Variants in CLHC1 observed in about 807,000 individuals in gnomAD.
The protein encoded by CLHC1 is clathrin heavy chain linker domain-containing protein 1.
CLHC1 carries 72 observed loss-of-function variants against 69.5 expected under a neutral mutation model. That is an observed-to-expected ratio of 1.04 (90% CI 0.86 to 1.26). The LOEUF is 1.26. Ranked by LOEUF, CLHC1 falls within the 50% of genes most tolerant of loss-of-function variation. The probability of loss-of-function intolerance (pLI) is 0.00; values close to 1 mark genes in which losing one functional copy is unlikely to be tolerated. For synonymous variants in CLHC1, 223 were observed against 224.3 expected (o/e 0.99, Z 0.05); for missense variants, 790 against 679.3 (o/e 1.16, Z -1.81).
chr2:55,180,417 A>G, intron 11 of CLHC1, 93 bp downstream of exon 11: 3 of 849,930 alleles, frequency 3.5e-6, no homozygotes, highest in Non-Finnish European at 5.6e-6. Context: ...TGATTTTATA[A>G]CGTAAGTTTA....
At chr2:55,218,175 C>T (rs1437393) in intron 3 of CLHC1, 177 bp from the exon 4 acceptor site, 124,165 of 417,574 alleles carry the variant, frequency 0.3, 19,105 homozygotes, top group African/African-American at 0.38. Flanking sequence ...ATTTACTAAA[C>T]ATGTGCTCTT....
intron 10 of CLHC1, among the ~76,000 whole-genome samples, chr2:55,181,121 C>T (rs1343642844): frequency 6.6e-6 from 1 of 152,156 alleles, no homozygotes; most frequent in African/African-American, 2.4e-5. Flanking sequence ...GCAGGGACTA[C>T]AGCCGTGCGC....
At chr2:55,183,070 C>T (rs1251114775) in intron 9 of CLHC1, among the ~76,000 whole-genome samples, 1 of 152,122 alleles carries the variant, frequency 6.6e-6, no homozygotes, top group East Asian at 1.9e-4. Context: ...CCTTTCCTGT[C>T]CCTTATATAA....
At position 55,173,286 on chromosome 2, in the gene CLHC1, A is replaced by C. The variant is rs1480310953; in HGVS notation, c.*2504T>G. Among the ~76,000 whole-genome samples the C allele has an allele frequency of 6.6e-6, 1 of 152,252 alleles. No individual in the cohort carries two copies. Among genetic ancestry groups the C allele is most frequent in the African/African-American group, 2.4e-5 (1 of 41,462 alleles). On this transcript the variant is annotated 3_prime_UTR_variant, in exon 13 of 13. Transcript: ENST00000401408. The stretch of plus-strand genomic sequence containing the variant: ...AATTTGAATATGGACTGGCTATTAG[A>C]TAATGCTAAGGAATTATTATTAGTA...
At chr2:55,182,270 C>A (rs1246525145) in intron 9 of CLHC1, among the ~76,000 whole-genome samples, 1 of 152,088 alleles carries the variant, frequency 6.6e-6, no homozygotes, top group East Asian at 1.9e-4. Flanking sequence ...TAAAACTGGA[C>A]ATTTAAAGGA....
At chr2:55,224,620 C>A (rs915202503) in intron 2 of CLHC1, 6 of 253,780 alleles carry the variant, frequency 2.4e-5, no homozygotes, top group East Asian at 1.2e-4. Context: ...CGGGAGGAAC[C>A]CCCGCAGTGC....
At position 55,175,959 on chromosome 2, in the gene CLHC1, T is replaced by A; in HGVS notation, c.1592A>T (p.Asp531Val). 6.2e-7 allele frequency: 1 copy of A among 1,613,906 alleles called. No homozygotes were observed. Among genetic ancestry groups the A allele is most frequent in the Non-Finnish European group, 8.5e-7 (1 of 1,179,832 alleles). The change falls in exon 13 of 13, where the codon GAT becomes GTT. Residue 531 changes from aspartate (D) to valine (V), a missense_variant. Transcript: ENST00000401408. The stretch of plus-strand genomic sequence containing the variant: ...CCACTTTTCTATGGAGCAAAAGGAA[T>A]CATTTATCATAAGACTTTCTACTGC... ...IDAVESLMIN[D>V]SFCSIEKWQE...
intron 3 of CLHC1, among the ~76,000 whole-genome samples, chr2:55,220,389 T>C (rs1489124513): frequency 6.6e-6 from 1 of 152,180 alleles, no homozygotes; most frequent in Non-Finnish European, 1.5e-5. Flanking sequence ...AATTATGTTA[T>C]CAAGAAGCTA....
At chr2:55,217,060 T>C (rs1468733080) in intron 4 of CLHC1, among the ~76,000 whole-genome samples, 7 of 151,986 alleles carry the variant, frequency 4.6e-5, no homozygotes, top group Non-Finnish European at 1.0e-4. Flanking sequence ...CCAGGCGTGG[T>C]AGCTTGTGCC....
chr2:55,226,074 C>G (rs528313123), intron 2 of CLHC1, among the ~76,000 whole-genome samples: 2 of 151,910 alleles, frequency 1.3e-5, no homozygotes. Flanking sequence ...CGCCTGTAGT[C>G]CCAGCTACTC....
chr2:55,232,513 G>T, upstream of CLHC1: 1 of 480,374 alleles, frequency 2.1e-6, no homozygotes, highest in South Asian at 2.1e-5. Context: ...CATTCCGAAG[G>T]CTAAAGTGAG....
intron 2 of CLHC1, chr2:55,224,815 C>T (rs1674533642): frequency 3.3e-6 from 1 of 302,238 alleles, no homozygotes; most frequent in East Asian, 9.0e-5. Flanking sequence ...GTCAAAGAGG[C>T]CCCCCAGCCA....
Position 55,209,739 on chromosome 2 carries a change from A to T in CLHC1, c.592T>A (p.Leu198Met), listed in dbSNP as rs200576802. ...CTCTGAGCTGGCACATATTTTATCA[A>T]CATAGCTTGTTTAATTTCTGCATAT... ...DKYAEIKQAM[L>M]IKYVPAQRKA... The change falls in exon 6 of 13, where the codon TTG (leucine) becomes ATG (methionine). Residue 198 changes from leucine (L) to methionine (M), a missense_variant. Transcript: ENST00000401408. The T allele has an allele frequency of 3.2e-5, 52 of 1,612,802 alleles. No homozygotes were observed. In the East Asian group the frequency reaches 1.0e-3, roughly 32 times the overall value.
chr2:55,178,582 T>A (rs955346716), intron 11 of CLHC1, among the ~76,000 whole-genome samples: 2 of 152,164 alleles, frequency 1.3e-5, no homozygotes, highest in East Asian at 3.8e-4. Flanking sequence ...CTCAAACTCC[T>A]GGGCTCACGC....
At chr2:55,224,786 A>C (rs1361684532) in intron 2 of CLHC1, 2 of 322,628 alleles carry the variant, frequency 6.2e-6, no homozygotes, top group African/African-American at 4.5e-5. Context: ...AAATTCAGCA[A>C]GACTTGGAGT....
At chr2:55,232,334 G>A (rs886747211), upstream of CLHC1, 9 of 240,628 alleles carry the variant, frequency 3.7e-5, no homozygotes, top group Non-Finnish European at 6.7e-5. Context: ...GTCCAAGGTA[G>A]AAGAAAGCAG....
intron 4 of CLHC1, chr2:55,215,126 C>G (rs1673372538): frequency 6.6e-6 from 1 of 152,166 alleles, no homozygotes. Context: ...TTTAACTCAA[C>G]TTGGAAAACT....
intron 9 of CLHC1, among the ~76,000 whole-genome samples, chr2:55,197,805 A>G (rs1671563807): frequency 6.6e-6 from 1 of 152,186 alleles, no homozygotes; most frequent in Non-Finnish European, 1.5e-5. Context: ...ATAAACAGCC[A>G]CAAGCATCAA....
intron 9 of CLHC1, among the ~76,000 whole-genome samples, chr2:55,204,408 T>C (rs887288735): frequency 1.3e-5 from 2 of 152,180 alleles, no homozygotes; most frequent in African/African-American, 2.4e-5. Context: ...AAAACTACAA[T>C]GAGATATCAT....
Sources: allele counts gnomAD v4.1 joint callset (sites outside exome capture counted in the v4.1 genomes callset), GRCh38; gene constraint gnomAD v4.1.1; transcripts MANE v1.5; gene names NCBI Gene and HGNC (gene_info 2026-07-23, HGNC 2026-07-21).